The following ADD3 variants were observed in gnomAD, a reference collection of about 807,000 sequenced individuals.
The protein encoded by ADD3 is adducin 3, also known as gamma-adducin.
A neutral mutation model predicts 80.2 loss-of-function variants in ADD3; 25 were observed. The ratio of observed to expected loss-of-function variants is 0.31; its 90% CI spans 0.23 to 0.44. The LOEUF (loss-of-function observed/expected upper bound fraction) is 0.44. Among genes scored for constraint, ADD3 ranks in the 20% least tolerant of loss-of-function variants. ADD3 has a pLI of 1.00. For synonymous variants in ADD3, 284 were observed against 289.6 expected (o/e 0.98, Z 0.20); for missense variants, 829 against 847.5 (o/e 0.98, Z 0.27).
intron 1 of ADD3, among the ~76,000 whole-genome samples, chr10:110,017,088 T>G (rs952649765): frequency 2.6e-5 from 4 of 152,192 alleles, no homozygotes; most frequent in Admixed American, 2.6e-4. Context: ...ATCCAAAGTT[T>G]AGTGAAGTAA....
intron 2 of ADD3, 115 bp downstream of exon 2, chr10:110,100,963 G>A: frequency 1.1e-6 from 1 of 896,046 alleles, no homozygotes; most frequent in Non-Finnish European, 1.6e-6. Context: ...GAGGAGTGGT[G>A]ACCAGTTGCT....
chr10:110,027,662 T>G (rs1854470062), intron 1 of ADD3, among the ~76,000 whole-genome samples: 1 of 152,184 alleles, frequency 6.6e-6, no homozygotes, highest in African/African-American at 2.4e-5. Context: ...CTGGAACATC[T>G]TTCTCTTTTA....
intron 1 of ADD3, among the ~76,000 whole-genome samples, chr10:110,066,379 G>A (rs1287834553): frequency 6.6e-6 from 1 of 152,144 alleles, no homozygotes; most frequent in Non-Finnish European, 1.5e-5. Context: ...TGGGACTACA[G>A]GTGTGTGCCA....
At chr10:110,076,116 GT>G (rs1326547448) in intron 1 of ADD3, among the ~76,000 whole-genome samples, 3 of 152,026 alleles carry the variant, frequency 2.0e-5, no homozygotes, top group Non-Finnish European at 4.4e-5. Flanking sequence ...CAATTACATA[GT>G]TTTTTATATG....
At chr10:110,045,728 C>T (rs1377744603) in intron 1 of ADD3, among the ~76,000 whole-genome samples, 4 of 152,150 alleles carry the variant, frequency 2.6e-5, no homozygotes, top group African/African-American at 9.7e-5. Flanking sequence ...TCAAAACTTA[C>T]ACACACAAAC....
chr10:110,028,300 G>A (rs112520882), intron 1 of ADD3, among the ~76,000 whole-genome samples: 12,503 of 152,256 alleles, frequency 0.082, 1,652 homozygotes, highest in African/African-American at 0.28. Flanking sequence ...CTGGCTGGGC[G>A]TGGTGGCTCA....
chr10:110,083,142 A>G (rs1846271523), intron 1 of ADD3, among the ~76,000 whole-genome samples: 1 of 152,202 alleles, frequency 6.6e-6, no homozygotes, highest in South Asian at 2.1e-4. Flanking sequence ...GGCAATACAG[A>G]CTATGACAAA....
upstream of ADD3, among the ~76,000 whole-genome samples, chr10:110,001,232 T>A (rs1013569254): frequency 1.3e-5 from 2 of 151,834 alleles, no homozygotes; most frequent in African/African-American, 4.8e-5. Context: ...CTGGGCAACA[T>A]GGCAAAACCC....
chr10:110,036,473 A>G (rs540447576), intron 1 of ADD3, among the ~76,000 whole-genome samples: 1 of 138,344 alleles, frequency 7.2e-6, no homozygotes, highest in African/African-American at 2.8e-5. Flanking sequence ...CCCGCTTCCC[A>G]GGTTCATGCC....
chr10:110,004,202 C>T (rs1364507552), upstream of ADD3, among the ~76,000 whole-genome samples: 1 of 151,590 alleles, frequency 6.6e-6, no homozygotes, highest in Non-Finnish European at 1.5e-5. Context: ...AACTGGGCAA[C>T]TAATTTCTTT....
chr10:110,025,261 G>C (rs1854151942), intron 1 of ADD3, among the ~76,000 whole-genome samples: 1 of 151,926 alleles, frequency 6.6e-6, no homozygotes, highest in Non-Finnish European at 1.5e-5. Context: ...TAGAAAGTGG[G>C]AGGTGGTAGC....
chr10:110,007,801 A>G (rs1851786473), upstream of ADD3, among the ~76,000 whole-genome samples: 1 of 142,328 alleles, frequency 7.0e-6, no homozygotes, highest in East Asian at 2.1e-4. Flanking sequence ...GGGCTGCCAG[A>G]GGCGAGGTCT....
At chr10:110,073,667 C>T (rs1274352710) in intron 1 of ADD3, among the ~76,000 whole-genome samples, 2 of 152,062 alleles carry the variant, frequency 1.3e-5, no homozygotes, top group South Asian at 2.1e-4. Flanking sequence ...ATCTCCTTGC[C>T]CCCTATTTTT....
intron 1 of ADD3, among the ~76,000 whole-genome samples, chr10:110,074,136 T>C (rs1475502413): frequency 1.3e-5 from 2 of 152,214 alleles, no homozygotes; most frequent in Non-Finnish European, 2.9e-5. Flanking sequence ...CAACCCGATA[T>C]ATCCTTGACC....
intron 1 of ADD3, among the ~76,000 whole-genome samples, chr10:110,059,277 G>A (rs998641850): frequency 6.6e-6 from 1 of 152,094 alleles, no homozygotes. Context: ...TTTGAGGCCT[G>A]CCTGGCCAAA....
intron 1 of ADD3, among the ~76,000 whole-genome samples, chr10:110,040,964 G>GTCTCTCTCTC (rs66979569): frequency 4.0e-5 from 6 of 149,402 alleles, no homozygotes; most frequent in African/African-American, 1.5e-4. Context: ...GTCTCTCTCT[G>GTCTCTCTCTC]TCTCTCTCTC....
intron 1 of ADD3, among the ~76,000 whole-genome samples, chr10:110,041,600 C>T (rs1856369746): frequency 6.6e-6 from 1 of 152,190 alleles, no homozygotes; most frequent in Non-Finnish European, 1.5e-5. Context: ...GATGTTCACA[C>T]TCACATTTCC....
chr10:110,104,073 G>C (rs1237448872), intron 2 of ADD3, among the ~76,000 whole-genome samples: 2 of 152,070 alleles, frequency 1.3e-5, no homozygotes, highest in East Asian at 1.9e-4. Context: ...CTTAAGTACA[G>C]GTCCTGTCAA....
chr10:110,063,748 T>TATATATATA (rs1554926962), intron 1 of ADD3, among the ~76,000 whole-genome samples: 17 of 36,880 alleles, frequency 4.6e-4, no homozygotes, highest in African/African-American at 1.6e-3. Context: ...TATATATATA[T>TATATATATA]ATATATATAT....
Sources: gnomAD v4.1 joint callset for allele counts (sites outside exome capture counted in the v4.1 genomes callset) on GRCh38, gnomAD v4.1.1 for gene constraint, MANE v1.5 for transcripts, NCBI Gene and HGNC (gene_info 2026-07-23, HGNC 2026-07-21) for gene names.